The following LINGO2 variants were observed in gnomAD, a reference collection of about 807,000 sequenced individuals.
LINGO2 encodes leucine-rich repeat and immunoglobulin-like domain-containing nogo receptor-interacting protein 2.
A neutral mutation model predicts 30.6 loss-of-function variants in LINGO2; 14 were observed. The ratio of observed to expected loss-of-function variants is 0.46; its 90% CI spans 0.30 to 0.72. LINGO2 has a LOEUF of 0.72. Among genes scored for constraint, LINGO2 ranks in the 30% least tolerant of loss-of-function variants. The pLI, the probability that LINGO2 is intolerant of heterozygous loss-of-function variation, is 0.07. For missense variants in LINGO2, 729 were observed against 751.7 expected (o/e 0.97, Z 0.35); for synonymous variants, 317 against 288.5 (o/e 1.10, Z -1.00).
chr9:28,801,913 G>C, the LINGO2 span, among the ~76,000 whole-genome samples: 1 of 151,740 alleles, frequency 6.6e-6, no homozygotes, highest in Non-Finnish European at 1.5e-5. Context: ...TAAAAAATCT[G>C]GAAAATATAG....
the LINGO2 span, among the ~76,000 whole-genome samples, chr9:29,055,449 C>T: frequency 3.9e-3 from 589 of 152,222 alleles, 2 homozygotes; most frequent in African/African-American, 0.013. Flanking sequence ...AGTCATTTGT[C>T]GGTCTATGGA....
intron 5 of LINGO2, among the ~76,000 whole-genome samples, chr9:27,963,388 G>A (rs1438815092): frequency 6.6e-6 from 1 of 152,088 alleles, no homozygotes; most frequent in Non-Finnish European, 1.5e-5. Flanking sequence ...GGAGAGTGAA[G>A]AGATTGGTAA....
chr9:28,032,324 G>A (rs776344199), intron 4 of LINGO2, among the ~76,000 whole-genome samples: 4 of 152,218 alleles, frequency 2.6e-5, no homozygotes, highest in South Asian at 4.1e-4. Flanking sequence ...GCCTGCCCTC[G>A]CTGCCCAGCA....
At chr9:28,967,969 C>G in the LINGO2 span, among the ~76,000 whole-genome samples, 3 of 152,122 alleles carry the variant, frequency 2.0e-5, no homozygotes, top group Admixed American at 2.0e-4. Flanking sequence ...TTGTTTTATT[C>G]AAATAACATA....
intron 5 of LINGO2, among the ~76,000 whole-genome samples, chr9:28,003,554 G>A (rs1389145186): frequency 1.3e-5 from 2 of 152,104 alleles, no homozygotes; most frequent in African/African-American, 2.4e-5. Context: ...CGCCTCCCGA[G>A]TTCATGCCAT....
chr9:28,379,836 T>C (rs1821277307), intron 2 of LINGO2, among the ~76,000 whole-genome samples: 1 of 152,022 alleles, frequency 6.6e-6, no homozygotes, highest in African/African-American at 2.4e-5. Flanking sequence ...AAACTAAAAA[T>C]ACTGCAAGGA....
At chr9:27,952,815 A>G (rs12238287) in intron 5 of LINGO2, among the ~76,000 whole-genome samples, 82,066 of 151,894 alleles carry the variant, frequency 0.54, 23,547 homozygotes, top group Non-Finnish European at 0.62. Flanking sequence ...TAATTTTATA[A>G]TATTAGAGTT....
intron 4 of LINGO2, among the ~76,000 whole-genome samples, chr9:28,108,547 G>C (rs1211589882): frequency 6.6e-6 from 1 of 152,034 alleles, no homozygotes; most frequent in Non-Finnish European, 1.5e-5. Context: ...GATAGGGAAG[G>C]GAAAGAAAAA....
At chr9:27,971,046 T>C (rs1384370524) in intron 5 of LINGO2, among the ~76,000 whole-genome samples, 4 of 151,880 alleles carry the variant, frequency 2.6e-5, no homozygotes, top group African/African-American at 9.7e-5. Flanking sequence ...ATAGCAAGCA[T>C]AGAGAAAGCC....
At chr9:28,142,501 G>A (rs187874783) in intron 4 of LINGO2, among the ~76,000 whole-genome samples, 23 of 152,110 alleles carry the variant, frequency 1.5e-4, no homozygotes, top group African/African-American at 5.5e-4. Context: ...CATGTCCATA[G>A]CAAAGGGTCT....
chr9:28,267,740 G>A (rs1822804049), intron 4 of LINGO2, among the ~76,000 whole-genome samples: 1 of 151,942 alleles, frequency 6.6e-6, no homozygotes, highest in East Asian at 1.9e-4. Flanking sequence ...TTCTAGAGTA[G>A]TTCCTATATG....
At chr9:28,779,185 T>C in the LINGO2 span, among the ~76,000 whole-genome samples, 4 of 152,340 alleles carry the variant, frequency 2.6e-5, no homozygotes, top group East Asian at 3.9e-4. Flanking sequence ...TTTAAAATAA[T>C]TTATTTCATT....
intron 4 of LINGO2, among the ~76,000 whole-genome samples, chr9:28,267,875 T>C (rs10733428): frequency 1 from 151,363 of 152,082 alleles, 75,325 homozygotes; most frequent in Middle Eastern, 1. Context: ...CCTCCATTTC[T>C]TGGCTCAGGA....
At chr9:28,333,901 C>T (rs1263854197) in intron 3 of LINGO2, among the ~76,000 whole-genome samples, 2 of 152,136 alleles carry the variant, frequency 1.3e-5, no homozygotes, top group African/African-American at 2.4e-5. Context: ...ATATTGCTTA[C>T]AAATGACCTT....
In LINGO2 at chr9:28,129,845, A is replaced by G. The variant is rs947634338; in HGVS notation, c.-86-117440T>C. Among the ~76,000 whole-genome samples the G allele has an allele frequency of 3.3e-5, 5 of 152,220 alleles. No individual in the cohort carries two copies. Among genetic ancestry groups the G allele is most frequent in the African/African-American group, 1.2e-4 (5 of 41,450 alleles). ...AGAAGGTGAAAACATTCATAGCAGA[A>G]CACTTGGAAAATAAAGAAACATGCA... is the stretch of plus-strand genomic sequence containing the variant. On this transcript the variant is annotated intron_variant, in intron 4 of 5. Coordinates refer to ENST00000379992, the Ensembl canonical transcript of LINGO2. The surrounding 1 kb of genome is among the most constrained non-coding windows in gnomAD (Gnocchi z 4.0).
the LINGO2 span, among the ~76,000 whole-genome samples, chr9:28,734,402 A>G: frequency 6.6e-6 from 1 of 152,176 alleles, no homozygotes; most frequent in Admixed American, 6.5e-5. Context: ...TTCCTGGAAC[A>G]TTCCTTTCAA....
intron 3 of LINGO2, among the ~76,000 whole-genome samples, chr9:28,305,715 C>G (rs548212383): frequency 6.6e-6 from 1 of 151,982 alleles, no homozygotes; most frequent in Admixed American, 6.6e-5. Context: ...AAATTAGAAT[C>G]CGTATGTAAT....
chr9:28,796,494 T>G, the LINGO2 span, among the ~76,000 whole-genome samples: 1 of 152,066 alleles, frequency 6.6e-6, no homozygotes, highest in Non-Finnish European at 1.5e-5. Flanking sequence ...AAATGAGTGC[T>G]TAATGAATAA....
chr9:28,866,078 G>A, the LINGO2 span, among the ~76,000 whole-genome samples: 1 of 148,468 alleles, frequency 6.7e-6, no homozygotes, highest in South Asian at 2.1e-4. Flanking sequence ...TCTTTAGACA[G>A]CATTCAGCTA....
Sources: allele counts gnomAD v4.1 joint callset (sites outside exome capture counted in the v4.1 genomes callset), GRCh38; gene constraint gnomAD v4.1.1; non-coding constraint Gnocchi (gnomAD v3.1); transcripts MANE v1.5; gene names NCBI Gene and HGNC (gene_info 2026-07-23, HGNC 2026-07-21).